The following AHCY variants were observed in gnomAD, a reference collection of about 807,000 sequenced individuals.
AHCY encodes the protein adenosylhomocysteinase, also known as S-adenosyl-L-homocysteine hydrolase.
AHCY carries 24 observed loss-of-function variants against 45.4 expected under a neutral mutation model. That is an observed-to-expected ratio of 0.53 (90% CI 0.38 to 0.74). The LOEUF (loss-of-function observed/expected upper bound fraction) is 0.74. AHCY is among the 30% of genes least tolerant of loss of function. The pLI is 0.00. For missense variants in AHCY, 449 were observed against 594.1 expected, an observed-to-expected ratio of 0.76 and a Z score of 2.54; for synonymous variants, 245 against 235.1, an observed-to-expected ratio of 1.04 and a Z score of -0.39.
At chr20:34,297,350 G>A (rs1362694962) in intron 1 of AHCY, among the ~76,000 whole-genome samples, 1 of 151,886 alleles carries the variant, frequency 6.6e-6, no homozygotes, top group Non-Finnish European at 1.5e-5. Flanking sequence ...GGGGTGCAGT[G>A]GCGCGATCTC....
the AHCY span, among the ~76,000 whole-genome samples, chr20:34,239,258 C>T: frequency 9.9e-4 from 151 of 152,054 alleles, no homozygotes; most frequent in African/African-American, 3.6e-3. Context: ...TGAGACTGGC[C>T]CAGGCTGGAG....
At chr20:34,302,450 T>G (rs1336117223) in intron 1 of AHCY, 3 of 284,256 alleles carry the variant, frequency 1.1e-5, no homozygotes, top group African/African-American at 6.9e-5. Context: ...CCAATCTTGC[T>G]CCATCACCAC....
At chr20:34,268,464 T>G in the AHCY span, among the ~76,000 whole-genome samples, 3 of 152,144 alleles carry the variant, frequency 2.0e-5, no homozygotes, top group African/African-American at 7.2e-5. Context: ...ACGCCTGTAA[T>G]GTAAACCCAG....
At chr20:34,250,564 G>A in the AHCY span, among the ~76,000 whole-genome samples, 7 of 152,122 alleles carry the variant, frequency 4.6e-5, no homozygotes, top group African/African-American at 1.7e-4. Flanking sequence ...TTGGGAGGCT[G>A]AGGCGGGCGG....
chr20:34,292,786 G>C (rs1309419014), intron 3 of AHCY, among the ~76,000 whole-genome samples: 1 of 152,164 alleles, frequency 6.6e-6, no homozygotes, highest in East Asian at 1.9e-4. Flanking sequence ...ACAATAGTAT[G>C]GATTAAGTGA....
the AHCY span, among the ~76,000 whole-genome samples, chr20:34,237,628 C>T: frequency 3.3e-5 from 5 of 152,232 alleles, no homozygotes; most frequent in East Asian, 1.9e-4. Flanking sequence ...CTTTTTAATG[C>T]GGATGGCTTT....
the AHCY span, among the ~76,000 whole-genome samples, chr20:34,247,331 C>T: frequency 6.9e-6 from 1 of 144,636 alleles, no homozygotes; most frequent in Non-Finnish European, 1.5e-5. Context: ...GACAGAGTCT[C>T]CTTCTGTTGC....
At chr20:34,267,986 AG>A in the AHCY span, among the ~76,000 whole-genome samples, 1 of 152,232 alleles carries the variant, frequency 6.6e-6, no homozygotes, top group South Asian at 2.1e-4. Flanking sequence ...TCTGGTGCAT[AG>A]TTTACAGCAC....
chr20:34,299,393 T>C (rs1448919261), intron 1 of AHCY, among the ~76,000 whole-genome samples: 1 of 152,214 alleles, frequency 6.6e-6, no homozygotes, highest in Non-Finnish European at 1.5e-5. Context: ...CTTTCTTTAC[T>C]TGGCTTCTGT....
chr20:34,298,653 C>T (rs1394254501), intron 1 of AHCY, among the ~76,000 whole-genome samples: 5 of 147,662 alleles, frequency 3.4e-5, no homozygotes, highest in Non-Finnish European at 3.0e-5. Flanking sequence ...TTAGAAAAGA[C>T]TCTGCTCCTC....
chr20:34,241,406 G>A, the AHCY span: 1 of 972,026 alleles, frequency 1.0e-6, no homozygotes, highest in African/African-American at 1.8e-5. Flanking sequence ...TGTCTTTGAA[G>A]TTATAGATGA....
chr20:34,304,504 T>A (rs2036870262), upstream of AHCY, among the ~76,000 whole-genome samples: 1 of 152,090 alleles, frequency 6.6e-6, no homozygotes, highest in Non-Finnish European at 1.5e-5. Flanking sequence ...TATGTTTTTT[T>A]AATTGCTTTT....
intron 1 of AHCY, among the ~76,000 whole-genome samples, chr20:34,309,239 C>T (rs191332985): frequency 6.6e-6 from 1 of 152,178 alleles, no homozygotes. Context: ...AGATTACAGG[C>T]GTGAGCCACC....
At chr20:34,238,882 C>G in the AHCY span, among the ~76,000 whole-genome samples, 1 of 152,166 alleles carries the variant, frequency 6.6e-6, no homozygotes, top group Non-Finnish European at 1.5e-5. Context: ...GCCAAGGACA[C>G]TTTGCCATCC....
At chr20:34,253,806 A>C in the AHCY span, among the ~76,000 whole-genome samples, 1 of 152,112 alleles carries the variant, frequency 6.6e-6, no homozygotes, top group East Asian at 1.9e-4. Flanking sequence ...ACCTAGGGTC[A>C]GGCAGCCATT....
chr20:34,237,914 A>G, the AHCY span, among the ~76,000 whole-genome samples: 1 of 152,028 alleles, frequency 6.6e-6, no homozygotes, highest in Non-Finnish European at 1.5e-5. Context: ...AGATAATCTG[A>G]TATAGGATTC....
the AHCY span, among the ~76,000 whole-genome samples, chr20:34,259,247 G>C: frequency 6.6e-6 from 1 of 150,938 alleles, no homozygotes; most frequent in Non-Finnish European, 1.5e-5. Context: ...ATATGAGCTT[G>C]AGTTAGAAAA....
At chr20:34,234,889 T>C in the AHCY span, 1 of 151,406 alleles carries the variant, frequency 6.6e-6, no homozygotes, top group Admixed American at 6.6e-5. Flanking sequence ...CCTCATATAT[T>C]TCATGTTTAC....
the AHCY span, among the ~76,000 whole-genome samples, chr20:34,240,983 A>G: frequency 6.6e-6 from 1 of 152,152 alleles, no homozygotes; most frequent in Non-Finnish European, 1.5e-5. Flanking sequence ...CAGCTCTGGG[A>G]GATCCTGGGA....
Sources: allele counts gnomAD v4.1 joint callset (sites outside exome capture counted in the v4.1 genomes callset), GRCh38; gene constraint gnomAD v4.1.1; transcripts MANE v1.5; gene names NCBI Gene and HGNC (gene_info 2026-07-23, HGNC 2026-07-21).